The following DLG2 variants were observed in gnomAD, a reference collection of about 807,000 sequenced individuals.
DLG2 encodes the protein disks large homolog 2.
Under a neutral mutation model 132.5 loss-of-function variants are expected in DLG2, and 45 were observed. That is an observed-to-expected ratio of 0.34 (90% CI 0.27 to 0.44). The LOEUF (loss-of-function observed/expected upper bound fraction) is 0.44, where lower values mean the gene tolerates loss of function less well. Ranked by LOEUF, DLG2 falls within the 20% of genes least tolerant of loss-of-function variation. DLG2 has a pLI of 1.00. For synonymous variants in DLG2, 424 were observed against 419.6 expected, an observed-to-expected ratio of 1.01 and a Z score of -0.13; for missense variants, 1,045 against 1,196.9, an observed-to-expected ratio of 0.87 and a Z score of 1.87.
chr11:84,627,189 TC>T (rs1349683368), intron 6 of DLG2, among the ~76,000 whole-genome samples: 1 of 152,126 alleles, frequency 6.6e-6, no homozygotes, highest in Non-Finnish European at 1.5e-5. Context: ...ATTCAAAATA[TC>T]CGAACACAGT....
intron 7 of DLG2, among the ~76,000 whole-genome samples, chr11:84,318,195 C>A (rs1031665276): frequency 4.6e-5 from 7 of 152,158 alleles, no homozygotes; most frequent in Admixed American, 4.6e-4. Flanking sequence ...TAACTTAAAG[C>A]AATTGCCTTC....
intron 7 of DLG2, among the ~76,000 whole-genome samples, chr11:84,395,921 G>T (rs2098809406): frequency 6.6e-6 from 1 of 152,208 alleles, no homozygotes; most frequent in Non-Finnish European, 1.5e-5. Context: ...GTTTTGAAAG[G>T]TTTAATAATT....
At chr11:84,502,275 CTTCCTTCTTTCT>C (rs2099215764) in intron 7 of DLG2, among the ~76,000 whole-genome samples, 2 of 21,106 alleles carry the variant, frequency 9.5e-5, no homozygotes, top group South Asian at 2.3e-3. Flanking sequence ...TCCTTCCTTC[CTTCCTTCTTTCT>C]TTCTTTCTTT....
At chr11:84,251,767 A>G (rs544122209) in intron 7 of DLG2, among the ~76,000 whole-genome samples, 3 of 151,312 alleles carry the variant, frequency 2.0e-5, no homozygotes, top group East Asian at 3.9e-4. Flanking sequence ...CAGCCTCCCA[A>G]GTAGCTACGA....
chr11:85,035,291 T>A (rs2061351993), intron 6 of DLG2, among the ~76,000 whole-genome samples: 1 of 152,232 alleles, frequency 6.6e-6, no homozygotes, highest in South Asian at 2.1e-4. Context: ...GAAATAGCAC[T>A]ATTTCTTGAA....
chr11:84,403,475 C>T (rs2098837817), intron 7 of DLG2, among the ~76,000 whole-genome samples: 1 of 152,192 alleles, frequency 6.6e-6, no homozygotes, highest in Admixed American at 6.5e-5. Flanking sequence ...CTCATTCAAG[C>T]CATGATTGGC....
chr11:84,303,755 C>T (rs1048090188), intron 7 of DLG2, among the ~76,000 whole-genome samples: 2 of 151,976 alleles, frequency 1.3e-5, no homozygotes, highest in Admixed American at 1.3e-4. Context: ...AACAAATAAA[C>T]AAAGGAAACA....
At chr11:83,760,307 G>A (rs2093843040) in intron 18 of DLG2, among the ~76,000 whole-genome samples, 3 of 152,162 alleles carry the variant, frequency 2.0e-5, no homozygotes, top group African/African-American at 7.2e-5. Flanking sequence ...ATTATTGGCA[G>A]ATAACAAAAT....
At chr11:83,935,035 G>C (rs2081155499) in intron 14 of DLG2, among the ~76,000 whole-genome samples, 1 of 152,184 alleles carries the variant, frequency 6.6e-6, no homozygotes, top group Admixed American at 6.5e-5. Context: ...TAAATCTGCA[G>C]AACTTTCAGA....
At chr11:84,824,957 T>C (rs1327519836) in intron 6 of DLG2, among the ~76,000 whole-genome samples, 8 of 151,902 alleles carry the variant, frequency 5.3e-5, no homozygotes, top group Admixed American at 1.3e-4. Flanking sequence ...CTGACCTTGA[T>C]TGTGGGCTCT....
At chr11:85,486,991 A>T (rs192715543) in intron 3 of DLG2, among the ~76,000 whole-genome samples, 2 of 144,170 alleles carry the variant, frequency 1.4e-5, no homozygotes, top group Admixed American at 1.4e-4. Context: ...ACTAATAATC[A>T]TACCCTAAAC....
chr11:84,275,212 T>C (rs1441257153), intron 7 of DLG2, among the ~76,000 whole-genome samples: 2 of 152,228 alleles, frequency 1.3e-5, no homozygotes, highest in African/African-American at 4.8e-5. Flanking sequence ...AAAATCCTCT[T>C]CTCTTTAGTT....
intron 7 of DLG2, among the ~76,000 whole-genome samples, chr11:84,315,100 G>A (rs1002501047): frequency 6.6e-6 from 1 of 152,094 alleles, no homozygotes; most frequent in Non-Finnish European, 1.5e-5. Flanking sequence ...AGAGATGGTG[G>A]CTACCTCAAT....
intron 2 of DLG2, among the ~76,000 whole-genome samples, chr11:85,607,448 A>G (rs917593549): frequency 2.2e-4 from 33 of 152,182 alleles, no homozygotes; most frequent in African/African-American, 8.0e-4. Context: ...TCATCCATCT[A>G]TCTTGATCCT....
intron 19 of DLG2, among the ~76,000 whole-genome samples, chr11:83,568,840 T>G (rs1160449079): frequency 6.6e-6 from 1 of 152,246 alleles, no homozygotes. Flanking sequence ...TAAAATCGCA[T>G]TCACATCTGT....
At chr11:83,759,256 T>C (rs2093790503) in intron 18 of DLG2, among the ~76,000 whole-genome samples, 1 of 152,110 alleles carries the variant, frequency 6.6e-6, no homozygotes, top group African/African-American at 2.4e-5. Context: ...GAAGGGCAGG[T>C]TGTATGAGTT....
Position 85,255,352 on chromosome 11 carries a change from C to T in DLG2, c.186+29868G>A, listed in dbSNP as rs182955750. Among the ~76,000 whole-genome samples the T allele has an allele frequency of 1.4e-4, 21 of 152,304 alleles. 1 individual carries two copies. Among genetic ancestry groups the T allele is most frequent in the African/African-American group, 4.1e-4 (17 of 41,568 alleles). On this transcript the variant is annotated intron_variant, in intron 4 of 27. Coordinates refer to ENST00000376104, the MANE Select transcript of DLG2 (RefSeq NM_001142699.3). ...ATACAAAGGATATTACATACACAAACATACGCATGGATATTCATATCCACA... is the reference window on the plus strand; with the variant it reads ...ATACAAAGGATATTACATACACAAATATACGCATGGATATTCATATCCACA...
intron 14 of DLG2, among the ~76,000 whole-genome samples, chr11:83,943,749 A>G (rs1200338005): frequency 6.6e-6 from 1 of 152,224 alleles, no homozygotes; most frequent in Non-Finnish European, 1.5e-5. Context: ...CTATTCACTC[A>G]ACATATTTAC....
intron 6 of DLG2, among the ~76,000 whole-genome samples, chr11:84,696,376 T>A (rs1383003951): frequency 6.6e-6 from 1 of 151,442 alleles, no homozygotes; most frequent in African/African-American, 2.4e-5. Flanking sequence ...CTTAGAGAAG[T>A]TGGGTATTTT....
Sources: allele counts gnomAD v4.1 joint callset (sites outside exome capture counted in the v4.1 genomes callset), GRCh38; gene constraint gnomAD v4.1.1; transcripts MANE v1.5; gene names NCBI Gene and HGNC (gene_info 2026-07-23, HGNC 2026-07-21).